The following INPP5A variants were observed in gnomAD, a reference collection of about 807,000 sequenced individuals.
INPP5A encodes inositol polyphosphate-5-phosphatase A.
INPP5A carries 14 observed loss-of-function variants against 65.2 expected under a neutral mutation model. That is an observed-to-expected ratio of 0.21 (90% CI 0.14 to 0.34). INPP5A has a LOEUF of 0.34. Ranked by LOEUF, INPP5A falls within the 10% of genes least tolerant of loss-of-function variation. The pLI, the probability that INPP5A is intolerant of heterozygous loss-of-function variation, is 1.00. For missense variants in INPP5A, 431 were observed against 545.6 expected, an observed-to-expected ratio of 0.79 and a Z score of 2.09; for synonymous variants, 207 against 208.3, an observed-to-expected ratio of 0.99 and a Z score of 0.05.
At position 132,771,880 on chromosome 10, in the gene INPP5A, GGACA is replaced by G. The variant is rs1364766777; in HGVS notation, c.978-5786_978-5783del. 9.4e-5 allele frequency among the ~76,000 whole-genome samples: 9 copies of G among 96,048 alleles called. 1 individual carries two copies. The highest frequency in any genetic ancestry group is 1.3e-4 in the African/African-American group (3 of 22,382). 63.0% of individuals were successfully genotyped at this position (96,048 alleles called of 152,430 possible). A position where few individuals can be genotyped will look rare whatever the true frequency, so the allele number is the denominator to read the frequency against. ...CACAGCAGCCACCCCGCGAAGAGTG[GGACA>G]GACACTCAGCACTGACACAGAGGCC... On this transcript the variant is annotated intron_variant, in intron 12 of 15. Transcript: ENST00000368594.
At chr10:132,576,206 C>G (rs1338439922) in intron 1 of INPP5A, among the ~76,000 whole-genome samples, 1 of 152,240 alleles carries the variant, frequency 6.6e-6, no homozygotes, top group African/African-American at 2.4e-5. Flanking sequence ...GGCTCTGCTC[C>G]TCTCCAGCCC....
chr10:132,779,746 G>A (rs966460712), intron 13 of INPP5A, among the ~76,000 whole-genome samples: 2 of 152,162 alleles, frequency 1.3e-5, no homozygotes, highest in Non-Finnish European at 2.9e-5. Flanking sequence ...CGCCGGGCGC[G>A]CTCCGCAGCC....
chr10:132,643,757 C>T (rs528801503), intron 2 of INPP5A, among the ~76,000 whole-genome samples: 4 of 152,272 alleles, frequency 2.6e-5, no homozygotes, highest in East Asian at 1.9e-4. Flanking sequence ...CAAAAGCCAG[C>T]GTCGGTTCCT....
intron 1 of INPP5A, among the ~76,000 whole-genome samples, chr10:132,543,247 G>A (rs2070928706): frequency 6.6e-6 from 1 of 151,308 alleles, no homozygotes. Context: ...ACGTCCCCCA[G>A]CCTCCCCACC....
At chr10:132,643,850 G>A (rs947895742) in intron 2 of INPP5A, among the ~76,000 whole-genome samples, 1 of 152,096 alleles carries the variant, frequency 6.6e-6, no homozygotes, top group Non-Finnish European at 1.5e-5. Flanking sequence ...TGCTGACATC[G>A]CCTCCCACTC....
intron 12 of INPP5A, among the ~76,000 whole-genome samples, chr10:132,771,049 C>T (rs538104467): frequency 6.6e-6 from 1 of 152,386 alleles, no homozygotes; most frequent in African/African-American, 2.4e-5. Flanking sequence ...GTCCGCCCTT[C>T]TGGAGAAAAT....
chr10:132,708,579 T>A, intron 7 of INPP5A: 1 of 686,180 alleles, frequency 1.5e-6, no homozygotes. Flanking sequence ...GACATCTGGG[T>A]GCCCAGTGCC....
At chr10:132,720,870 A>C (rs1477715201) in intron 8 of INPP5A, among the ~76,000 whole-genome samples, 1 of 32,716 alleles carries the variant, frequency 3.1e-5, no homozygotes, top group African/African-American at 1.2e-4. Context: ...GTCTTCAGGG[A>C]TCTGTGGTAC....
In INPP5A at chr10:132,546,515, C is replaced by G. The variant is rs2070973575; in HGVS notation, c.75+8344C>G. 6.6e-6 allele frequency among the ~76,000 whole-genome samples: 1 copy of G among 152,150 alleles called. No homozygotes were observed. Among genetic ancestry groups the G allele is most frequent in the Non-Finnish European group, 1.5e-5 (1 of 68,012 alleles). On this transcript the variant is annotated intron_variant, in intron 1 of 15. Transcript: ENST00000368594. This position sits in a 1 kb window ranked among gnomAD's most constrained non-coding sequence, Gnocchi z 5.7. ...CTCTTCAGGGGTTGCTGGGGACCAG[C>G]TGGTTGCTGTGTCGGGGGGCCGTGC...
At chr10:132,641,386 A>G (rs187534107) in intron 2 of INPP5A, among the ~76,000 whole-genome samples, 113 of 152,370 alleles carry the variant, frequency 7.4e-4, no homozygotes, top group African/African-American at 2.5e-3. Context: ...TCTGTCTCCT[A>G]GATGGAGTTT....
chr10:132,771,722 G>A (rs1272621136), intron 12 of INPP5A, among the ~76,000 whole-genome samples: 12 of 71,590 alleles, frequency 1.7e-4, no homozygotes, highest in Admixed American at 5.3e-4. Flanking sequence ...ATGAAGAGTG[G>A]GACAGACACT....
chr10:132,587,829 G>A lies in INPP5A; in HGVS notation c.76-20086G>A, dbSNP rs2071564676. On this transcript the variant is annotated intron_variant, in intron 1 of 15. Coordinates refer to ENST00000368594, the MANE Select transcript of INPP5A (RefSeq NM_005539.5). This position sits in a 1 kb window ranked among gnomAD's most constrained non-coding sequence, Gnocchi z 4.3. ...AATTCGTGACTAGCCTGACCAACATGGTGAAATCCCGTCTCTACTAAAAAG... is the reference window on the plus strand; with the variant it reads ...AATTCGTGACTAGCCTGACCAACATAGTGAAATCCCGTCTCTACTAAAAAG... Among the ~76,000 whole-genome samples the A allele has an allele frequency of 6.6e-6, 1 of 151,622 alleles. No individual in the cohort carries two copies. Among genetic ancestry groups the A allele is most frequent in the Non-Finnish European group, 1.5e-5 (1 of 67,926 alleles).
rs2072957669 is a variant in INPP5A at position 132,675,837 on chromosome 10, T to C, written c.307-14555T>C. 6.6e-6 allele frequency among the ~76,000 whole-genome samples: 1 copy of C among 152,226 alleles called. No individual in the cohort carries two copies. The highest frequency in any genetic ancestry group is 2.4e-5 in the African/African-American group (1 of 41,468). ...TGAGCTTTTGTACTGGCAGAAGGTA[T>C]TTTGTAAACAGCTTGTGTTCAGTGT... is the stretch of plus-strand genomic sequence containing the variant. On this transcript the variant is annotated intron_variant, in intron 4 of 15. Transcript: ENST00000368594. The surrounding 1 kb of genome is among the most constrained non-coding windows in gnomAD (Gnocchi z 4.2).
intron 6 of INPP5A, among the ~76,000 whole-genome samples, chr10:132,700,606 C>A (rs1243181250): frequency 6.6e-6 from 1 of 151,942 alleles, no homozygotes; most frequent in African/African-American, 2.4e-5. Context: ...GGGAGGGGCC[C>A]GGGGAGCCAT....
At chr10:132,625,160 G>A (rs1384965037) in intron 2 of INPP5A, among the ~76,000 whole-genome samples, 1 of 129,898 alleles carries the variant, frequency 7.7e-6, no homozygotes, top group Non-Finnish European at 1.6e-5. Context: ...AGCTGGCCTT[G>A]CTCTGCCATC....
rs60239914 is a variant in INPP5A at position 132,662,129 on chromosome 10, C to T, written c.306+11624C>T. Among the ~76,000 whole-genome samples the T allele has an allele frequency of 6.8e-3, 1,041 of 152,260 alleles. 11 individuals are homozygous for T. The highest frequency in any genetic ancestry group is 0.024 in the African/African-American group (982 of 41,532). ...AAGCAGAAACCACTATAAGAGGAAACCAGTCAGTTGGACCTATGAAGACGA... is the reference window on the plus strand; with the variant it reads ...AAGCAGAAACCACTATAAGAGGAAATCAGTCAGTTGGACCTATGAAGACGA... On this transcript the variant is annotated intron_variant, in intron 4 of 15. Coordinates refer to ENST00000368594, the MANE Select transcript of INPP5A (RefSeq NM_005539.5).
intron 2 of INPP5A, among the ~76,000 whole-genome samples, chr10:132,638,627 G>A (rs770843580): frequency 7.9e-5 from 12 of 152,144 alleles, no homozygotes; most frequent in Non-Finnish European, 1.8e-4. Flanking sequence ...GAGTGCAGTG[G>A]CACAATCTCG....
chr10:132,758,934 C>T (rs148419360), intron 11 of INPP5A, among the ~76,000 whole-genome samples: 3 of 152,270 alleles, frequency 2.0e-5, no homozygotes, highest in East Asian at 1.9e-4. Flanking sequence ...TGAAAAGGAT[C>T]GGAAAGCTGG....
At chr10:132,604,156 C>G (rs1306872702) in intron 1 of INPP5A, among the ~76,000 whole-genome samples, 1 of 148,966 alleles carries the variant, frequency 6.7e-6, no homozygotes, top group Non-Finnish European at 1.5e-5. Flanking sequence ...GGTCCCCTCT[C>G]CATCCTGCCC....
Sources: allele counts gnomAD v4.1 joint callset (sites outside exome capture counted in the v4.1 genomes callset), GRCh38; gene constraint gnomAD v4.1.1; non-coding constraint Gnocchi (gnomAD v3.1); transcripts MANE v1.5; gene names NCBI Gene and HGNC (gene_info 2026-07-23, HGNC 2026-07-21).